Variants in ADGRB2 observed in about 807,000 individuals in gnomAD.
ADGRB2 encodes brain-specific angiogenesis inhibitor 2.
ADGRB2 carries 47 observed loss-of-function variants against 178.7 expected under a neutral mutation model. That is an observed-to-expected ratio of 0.26 (90% CI 0.21 to 0.34). The LOEUF (loss-of-function observed/expected upper bound fraction) is 0.34, where lower values mean the gene tolerates loss of function less well. ADGRB2 is among the 10% of genes least tolerant of loss of function. ADGRB2 has a pLI of 1.00. For synonymous variants in ADGRB2, 870 were observed against 912.4 expected (o/e 0.95, Z 0.84); for missense variants, 1,584 against 2,180.8 (o/e 0.73, Z 5.45).
intron 1 of ADGRB2, among the ~76,000 whole-genome samples, chr1:31,763,325 T>G: frequency 7.6e-6 from 1 of 131,836 alleles, no homozygotes. Context: ...GGGGCAGAAA[T>G]AGAGAAGAAG....
chr1:31,744,612 C>T lies in ADGRB2; in HGVS notation c.922+36G>A. 1.2e-6 allele frequency: 2 copies of T among 1,608,302 alleles called. No homozygotes were observed. Among genetic ancestry groups the T allele is most frequent in the Non-Finnish European group, 1.7e-6 (2 of 1,176,068 alleles). On this transcript the variant is annotated intron_variant, in intron 5 of 32. Transcript: ENST00000373658. The surrounding 1 kb of genome is among the most constrained non-coding windows in gnomAD (Gnocchi z 6.7). The stretch of plus-strand genomic sequence containing the variant: ...CACCACCAGACGCACACAGTCGGGC[C>T]CCCGCCGCAGAGGAAGGGAGGCGGG...
rs1177552167 is a variant in ADGRB2 at position 31,764,107 on chromosome 1, T to TGCC, written c.-417_-415dup. ...CGGCGCCGGGCCGGGCGCGGGCTCCTGCCGCCGCCGCCGCCGCCGCCTCCT... is the reference window on the plus strand; with the variant it reads ...CGGCGCCGGGCCGGGCGCGGGCTCCTGCCGCCGCCGCCGCCGCCGCCGCCTCCT... On this transcript the variant is annotated 5_prime_UTR_variant, in exon 1 of 33. Transcript: ENST00000373658. The surrounding 1 kb of genome is among the most constrained non-coding windows in gnomAD (Gnocchi z 7.3). 79 of 934,172 alleles carry TGCC rather than the reference T, an allele frequency of 8.5e-5. No individual in the cohort carries two copies. The highest frequency in any genetic ancestry group is 3.5e-4 in the African/African-American group (19 of 54,176). 57.9% of individuals were successfully genotyped at this position (934,172 alleles called of 1,614,324 possible). A position where few individuals can be genotyped will look rare whatever the true frequency, so the allele number is the denominator to read the frequency against.
In ADGRB2 at chr1:31,763,868, G is replaced by C. The variant is rs2149083456; in HGVS notation, c.-191+16C>G. ...TCGGTGCGAGGCCAGGTCGGGGTCT[G>C]GGGCCGAGCACTCACCTGGGCGCCG... On this transcript the variant is annotated intron_variant, in intron 1 of 32. Transcript: ENST00000373658. The C allele has an allele frequency of 1.0e-6, 1 of 985,244 alleles. No homozygotes were observed. The highest frequency in any genetic ancestry group is 6.1e-5 in the Admixed American group (1 of 16,282). The allele number at this position is 985,244 out of a possible 1,614,324, so 61.0% of individuals were successfully genotyped here. A position where few individuals can be genotyped will look rare whatever the true frequency, so the allele number is the denominator to read the frequency against.
chr1:31,730,779 C>G, intron 29 of ADGRB2, 21 bp downstream of exon 29: 1 of 1,484,308 alleles, frequency 6.7e-7, no homozygotes, highest in Non-Finnish European at 8.9e-7. Context: ...GACACACACC[C>G]CATTCCCTAC....
Position 31,735,535 on chromosome 1 carries a change from T to G in ADGRB2, c.3353+45A>C, listed in dbSNP as rs1397151499. 6.3e-7 allele frequency: 1 copy of G among 1,594,468 alleles called. No individual in the cohort carries two copies. Among genetic ancestry groups the G allele is most frequent in the African/African-American group, 1.3e-5 (1 of 74,490 alleles). Reference sequence around the variant, plus strand: ...AAGAGCACCCATGTCCCTCCCTCCCTGCACCATTTCCAGAAAGGCCAAGTC... The same window carrying G: ...AAGAGCACCCATGTCCCTCCCTCCCGGCACCATTTCCAGAAAGGCCAAGTC... On this transcript the variant is annotated intron_variant, in intron 24 of 32. Coordinates refer to ENST00000373658, the MANE Select transcript of ADGRB2 (RefSeq NM_001364857.2). This position sits in a 1 kb window ranked among gnomAD's most constrained non-coding sequence, Gnocchi z 6.0.
Position 31,737,535 on chromosome 1 carries a change from C to T in ADGRB2, c.2877-4G>A. On this transcript the variant is annotated splice_region_variant and splice_polypyrimidine_tract_variant and intron_variant, in intron 19 of 32. Transcript: ENST00000373658. ...GGAGCGTTCAGATTTTATGAACCTG[C>T]CGGGGCACAGCAGGCAGGGACAGAG... 1 of 1,613,928 alleles carries T rather than the reference C, an allele frequency of 6.2e-7. No individual in the cohort carries two copies. The highest frequency in any genetic ancestry group is 1.1e-5 in the South Asian group (1 of 91,062).
At chr1:31,736,778 G>A in intron 20 of ADGRB2, 55 bp from the exon 21 acceptor site, 1 of 1,571,916 alleles carries the variant, frequency 6.4e-7, no homozygotes, top group Non-Finnish European at 8.6e-7. Flanking sequence ...AGGGCAGGAG[G>A]CGCCGGGCTT....
In ADGRB2 at chr1:31,764,164, C is replaced by A. The variant is rs1224112896; in HGVS notation, c.-471G>T. On this transcript the variant is annotated 5_prime_UTR_variant, in exon 1 of 33. Coordinates refer to ENST00000373658, the MANE Select transcript of ADGRB2 (RefSeq NM_001364857.2). This position sits in a 1 kb window ranked among gnomAD's most constrained non-coding sequence, Gnocchi z 7.3. ...GCCGCCCCCCGCTCCCCCGCTCCCC[C>A]GCCCCGAGCACCGCCCGCGCCGCGC... The A allele has an allele frequency of 3.2e-5, 19 of 598,800 alleles. No homozygotes were observed. The highest frequency in any genetic ancestry group is 3.7e-5 in the Non-Finnish European group (18 of 480,648). 37.1% of individuals were successfully genotyped at this position (598,800 alleles called of 1,614,324 possible). A position where few individuals can be genotyped will look rare whatever the true frequency, so the allele number is the denominator to read the frequency against.
Position 31,744,536 on chromosome 1 carries a change from G to T in ADGRB2, c.922+112C>A. ...CTTCCCACAAGCTTCATGTGGCACA[G>T]ACGCGACTGAACTGCAGGACAGAGA... On this transcript the variant is annotated intron_variant, in intron 5 of 32. Coordinates refer to ENST00000373658, the MANE Select transcript of ADGRB2 (RefSeq NM_001364857.2). This position sits in a 1 kb window ranked among gnomAD's most constrained non-coding sequence, Gnocchi z 6.7. 6.9e-7 allele frequency: 1 copy of T among 1,455,500 alleles called. No homozygotes were observed. The highest frequency in any genetic ancestry group is 9.4e-7 in the Non-Finnish European group (1 of 1,063,222). The allele number at this position is 1,455,500 out of a possible 1,614,324, so 90.2% of individuals were successfully genotyped here.
intron 4 of ADGRB2, among the ~76,000 whole-genome samples, chr1:31,746,219 C>T (rs1042558737): frequency 6.6e-6 from 1 of 152,202 alleles, no homozygotes; most frequent in African/African-American, 2.4e-5. Context: ...ACCCTCAGCA[C>T]CCTGCTTGGC....
chr1:31,745,136 CAG>C (rs1167514971), intron 4 of ADGRB2, among the ~76,000 whole-genome samples: 5 of 152,230 alleles, frequency 3.3e-5, no homozygotes, highest in Non-Finnish European at 5.9e-5. Flanking sequence ...GAGGGCTAGA[CAG>C]GGGAAGTGCC....
rs563697662 is a variant in ADGRB2 at position 31,731,040 on chromosome 1, C to T, written c.4140G>A (p.Gly1380=). The T allele has an allele frequency of 3.2e-6, 5 of 1,584,038 alleles. No individual in the cohort carries two copies. In the African/African-American group the frequency reaches 6.7e-5, roughly 21 times the overall value. ...GEDAPRARPE[G]TPRRAAKTVA... The stretch of plus-strand genomic sequence containing the variant: ...CTGTCTTGGCAGCTCGCCGGGGGGT[C>T]CCCTCCGGCCGGGCCCTGGGGGCAT... Residue 1380 remains glycine, a synonymous_variant, in exon 29 of 33, where the codon GGG becomes GGA. Transcript: ENST00000373658.
At position 31,746,884 on chromosome 1, in the gene ADGRB2, G is replaced by A. The variant is rs79661329; in HGVS notation, c.839-2153C>T. Among the ~76,000 whole-genome samples the A allele has an allele frequency of 7.8e-3, 1,188 of 152,234 alleles. 12 individuals carry two copies. The highest frequency in any genetic ancestry group is 0.035 in the East Asian group (179 of 5,170). ...CCAGGAACAGATCCAGGCCTCCTTC[G>A]CTCTCGGAGAGGCCCTCCTCTGACC... On this transcript the variant is annotated intron_variant, in intron 4 of 32. Coordinates refer to ENST00000373658, the MANE Select transcript of ADGRB2 (RefSeq NM_001364857.2).
rs1178453154 is a variant in ADGRB2, at chr1:31,733,278, G to A, written c.3453-135C>T. ...CCCCAAACCCCAGGGCCTCAGTAAT[G>A]TCCCCAAGCAGAGAGGGGCTGAGGA... On this transcript the variant is annotated intron_variant, in intron 25 of 32. Transcript: ENST00000373658. The surrounding 1 kb of genome is among the most constrained non-coding windows in gnomAD (Gnocchi z 4.3). 1.1e-6 allele frequency: 1 copy of A among 933,368 alleles called. No homozygotes were observed. The highest frequency in any genetic ancestry group is 1.7e-5 in the African/African-American group (1 of 60,188). 57.8% of individuals were successfully genotyped at this position (933,368 alleles called of 1,614,324 possible).
Position 31,764,057 on chromosome 1 carries a change from G to A in ADGRB2, c.-364C>T, listed in dbSNP as rs113458229. On this transcript the variant is annotated 5_prime_UTR_variant, in exon 1 of 33. Coordinates refer to ENST00000373658, the MANE Select transcript of ADGRB2 (RefSeq NM_001364857.2). The surrounding 1 kb of genome is among the most constrained non-coding windows in gnomAD (Gnocchi z 7.3). ...CGGCGGGTGCAGAAAAGGCGCCGCG[G>A]AGCAGCGCGGGGCGGGCGGGCGGGC... 7.3e-5 allele frequency: 43 copies of A among 592,836 alleles called. No homozygotes were observed. Among genetic ancestry groups the A allele is most frequent in the Non-Finnish European group, 8.4e-5 (40 of 477,814 alleles). 36.7% of individuals were successfully genotyped at this position (592,836 alleles called of 1,614,324 possible).
In ADGRB2 at chr1:31,740,299, C is replaced by T. The variant is rs751609936; in HGVS notation, c.1989+48G>A. 10 of 1,604,708 alleles carry T rather than the reference C, an allele frequency of 6.2e-6. No homozygotes were observed. The South Asian group carries it at 1.0e-4, about 16-fold the overall frequency. On this transcript the variant is annotated intron_variant, in intron 12 of 32. Transcript: ENST00000373658. The surrounding 1 kb of genome is among the most constrained non-coding windows in gnomAD (Gnocchi z 5.9). ...TGCCTAGGGGCCTGGCCTCCCGCTT[C>T]AGTTTGGGCCTTCTCCACCCTCCGC...
At chr1:31,750,265 G>A (rs1484489277) in intron 4 of ADGRB2, among the ~76,000 whole-genome samples, 1 of 152,120 alleles carries the variant, frequency 6.6e-6, no homozygotes, top group Non-Finnish European at 1.5e-5. Flanking sequence ...CCCTCCTGTG[G>A]TCCCTGAGGA....
chr1:31,727,513 C>T lies in ADGRB2; in HGVS notation c.4665G>A (p.Leu1555=), dbSNP rs772982279. 1.3e-6 allele frequency: 2 copies of T among 1,596,960 alleles called. No homozygotes were observed. Among genetic ancestry groups the T allele is most frequent in the Non-Finnish European group, 8.5e-7 (1 of 1,175,322 alleles). The part of the protein sequence containing the change: ...STFKSMTLGS[L]PPKPRERLTL... ...TCAGCCGTTCTCGGGGCTTGGGGGGCAGCGAGCCCAGTGTCATAGATTTGA... is the reference window on the plus strand; with the variant it reads ...TCAGCCGTTCTCGGGGCTTGGGGGGTAGCGAGCCCAGTGTCATAGATTTGA... Residue 1555 remains leucine, a synonymous_variant, in exon 33 of 33, where the codon CTG becomes CTA. Coordinates refer to ENST00000373658, the MANE Select transcript of ADGRB2 (RefSeq NM_001364857.2). The surrounding 1 kb of genome is among the most constrained non-coding windows in gnomAD (Gnocchi z 4.4).
Position 31,736,472 on chromosome 1 carries a change from C to G in ADGRB2, c.3131-82G>C, listed in dbSNP as rs1057271167. The G allele has an allele frequency of 3.7e-6, 6 of 1,601,726 alleles. No individual in the cohort carries two copies. The East Asian group carries it at 8.9e-5, about 24-fold the overall frequency. ...TCTCCCAGACTCCCATCCCAGCTGA[C>G]CCCTGTGCCCAGAGAGCTGGGCCAG... is the stretch of plus-strand genomic sequence containing the variant. On this transcript the variant is annotated intron_variant, in intron 21 of 32. Coordinates refer to ENST00000373658, the MANE Select transcript of ADGRB2 (RefSeq NM_001364857.2).
Sources: gnomAD v4.1 joint callset for allele counts (sites outside exome capture counted in the v4.1 genomes callset) on GRCh38, gnomAD v4.1.1 for gene constraint, Gnocchi (gnomAD v3.1) non-coding constraint, MANE v1.5 for transcripts, NCBI Gene and HGNC (gene_info 2026-07-23, HGNC 2026-07-21) for gene names.